CELF2: variants seen among roughly 807,000 people sequenced by gnomAD.
The protein encoded by CELF2 is CUGBP Elav-like family member 2, also known as CUG triplet repeat RNA-binding protein 2.
In CELF2, 8 loss-of-function variants were observed where a neutral mutation model predicts 62.6. The ratio of observed to expected loss-of-function variants is 0.13; its 90% CI spans 0.07 to 0.23. CELF2 has a LOEUF of 0.23. Among genes scored for constraint, CELF2 ranks in the 10% least tolerant of loss-of-function variants. The pLI, the probability that CELF2 is intolerant of heterozygous loss-of-function variation, is 1.00. For synonymous variants in CELF2, 258 were observed against 250.0 expected (o/e 1.03, Z -0.30); for missense variants, 333 against 671.0 (o/e 0.50, Z 5.56).
intron 2 of CELF2, among the ~76,000 whole-genome samples, chr10:11,203,070 G>T (rs1028944050): frequency 7.9e-5 from 12 of 151,976 alleles, no homozygotes; most frequent in Non-Finnish European, 1.8e-4. Flanking sequence ...AGCCTGCAGG[G>T]TGTTTCTTTT....
the CELF2 span, among the ~76,000 whole-genome samples, chr10:10,714,877 T>A: frequency 2.7e-5 from 4 of 145,890 alleles, no homozygotes; most frequent in Admixed American, 6.9e-5. Flanking sequence ...AAGCCTTATT[T>A]AAAAAAAAAA....
At chr10:10,668,031 T>C in the CELF2 span, among the ~76,000 whole-genome samples, 3 of 152,106 alleles carry the variant, frequency 2.0e-5, no homozygotes, top group African/African-American at 7.2e-5. Context: ...GAGTATGAAA[T>C]GGATAAATCA....
At chr10:10,525,947 T>C in the CELF2 span, among the ~76,000 whole-genome samples, 1 of 152,234 alleles carries the variant, frequency 6.6e-6, no homozygotes, top group Non-Finnish European at 1.5e-5. Context: ...CCACCAACCA[T>C]ATACAATGGC....
chr10:10,472,766 T>G, the CELF2 span, among the ~76,000 whole-genome samples: 1 of 152,056 alleles, frequency 6.6e-6, no homozygotes, highest in Non-Finnish European at 1.5e-5. Flanking sequence ...GTCTTCTCGT[T>G]GGTGTGCAGC....
rs968563232 is a variant in CELF2 at position 11,110,357 on chromosome 10, A to G, written c.75-55129A>G. Among the ~76,000 whole-genome samples, 4 of 152,194 alleles carry G rather than the reference A, an allele frequency of 2.6e-5. No individual in the cohort carries two copies. Among genetic ancestry groups the G allele is most frequent in the African/African-American group, 9.7e-5 (4 of 41,450 alleles). ...CTAGAGTGTGATTTTCTGTGTGAGT[A>G]TTCATCCCCGTCATTGAGTGGAACA... On this transcript the variant is annotated intron_variant, in intron 1 of 12. Transcript: ENST00000633077. This position sits in a 1 kb window ranked among gnomAD's most constrained non-coding sequence, Gnocchi z 4.0.
At chr10:10,835,306 A>G (rs2058190467) in intron 1 of CELF2, among the ~76,000 whole-genome samples, 1 of 151,314 alleles carries the variant, frequency 6.6e-6, no homozygotes, top group Non-Finnish European at 1.5e-5. Flanking sequence ...GCAATGGCTG[A>G]CCTCAAACTC....
At chr10:10,640,590 G>C in the CELF2 span, among the ~76,000 whole-genome samples, 3 of 152,162 alleles carry the variant, frequency 2.0e-5, no homozygotes, top group Non-Finnish European at 4.4e-5. Flanking sequence ...CTGTAGTCTT[G>C]TGAGTTTCTT....
At position 11,319,186 on chromosome 10, in the gene CELF2, G is replaced by A. The variant is rs1283388366; in HGVS notation, c.1097-2003G>A. 1 of 447,212 alleles carries A rather than the reference G, an allele frequency of 2.2e-6. No individual in the cohort carries two copies. The highest frequency in any genetic ancestry group is 7.0e-5 in the East Asian group (1 of 14,192). The allele number at this position is 447,212 out of a possible 1,614,324, so 27.7% of individuals were successfully genotyped here. A position where few individuals can be genotyped will look rare whatever the true frequency, so the allele number is the denominator to read the frequency against. On this transcript the variant is annotated intron_variant, in intron 10 of 12. Transcript: ENST00000633077. The surrounding 1 kb of genome is among the most constrained non-coding windows in gnomAD (Gnocchi z 4.4). ...GACTGTGCCCAGAGTGCGATCATCT[G>A]TAATCCACAGCACCCGTTAACAGCC...
chr10:11,250,790 C>T (rs1389321298), intron 4 of CELF2, among the ~76,000 whole-genome samples: 1 of 152,186 alleles, frequency 6.6e-6, no homozygotes, highest in Non-Finnish European at 1.5e-5. Context: ...GCCCAAGACT[C>T]AAATAAGGTG....
the CELF2 span, among the ~76,000 whole-genome samples, chr10:10,606,002 C>T: frequency 1.3e-5 from 2 of 152,176 alleles, no homozygotes; most frequent in Non-Finnish European, 2.9e-5. Context: ...AGTCATTTTA[C>T]AACCCTGAAT....
chr10:10,678,455 C>T, the CELF2 span, among the ~76,000 whole-genome samples: 1 of 152,090 alleles, frequency 6.6e-6, no homozygotes, highest in African/African-American at 2.4e-5. Flanking sequence ...GGTGGTCTTT[C>T]CATGGAACAG....
chr10:11,218,706 T>C (rs1203688031), intron 3 of CELF2, among the ~76,000 whole-genome samples: 2 of 152,262 alleles, frequency 1.3e-5, no homozygotes, highest in Non-Finnish European at 2.9e-5. Flanking sequence ...CCCACAATGG[T>C]CCTGCCCAGT....
Position 11,165,368 on chromosome 10 carries a change from T to C in CELF2, c.75-118T>C, listed in dbSNP as rs2066762792. On this transcript the variant is annotated intron_variant, in intron 1 of 12. Transcript: ENST00000633077. The surrounding 1 kb of genome is among the most constrained non-coding windows in gnomAD (Gnocchi z 7.4). ...CAAATTTCTACGACTCATTAGGCAC[T>C]TTGCCACTGCTCTTCTTCCTCCTCC... The C allele has an allele frequency of 2.6e-6, 4 of 1,513,048 alleles. No homozygotes were observed. Among genetic ancestry groups the C allele is most frequent in the Middle Eastern group, 1.8e-4 (1 of 5,636 alleles). 93.7% of individuals were successfully genotyped at this position (1,513,048 alleles called of 1,614,324 possible). A position where few individuals can be genotyped will look rare whatever the true frequency, so the allele number is the denominator to read the frequency against.
chr10:11,281,233 C>G (rs913404911), intron 8 of CELF2, among the ~76,000 whole-genome samples: 1 of 152,152 alleles, frequency 6.6e-6, no homozygotes, highest in African/African-American at 2.4e-5. Flanking sequence ...ATTTTGCATG[C>G]ACATCACACA....
chr10:10,647,450 C>T, the CELF2 span, among the ~76,000 whole-genome samples: 5 of 152,180 alleles, frequency 3.3e-5, no homozygotes, highest in Non-Finnish European at 4.4e-5. Flanking sequence ...AACATCAATG[C>T]GGATAACATA....
chr10:10,836,755 C>G (rs1275899500), intron 1 of CELF2, among the ~76,000 whole-genome samples: 1 of 152,226 alleles, frequency 6.6e-6, no homozygotes, highest in African/African-American at 2.4e-5. Flanking sequence ...CCTGCTTCAG[C>G]TTCCCGAGTA....
chr10:10,739,784 C>T, the CELF2 span, among the ~76,000 whole-genome samples: 1 of 152,078 alleles, frequency 6.6e-6, no homozygotes, highest in Admixed American at 6.6e-5. Context: ...TCACAGCCAC[C>T]CTAACAGTTG....
Position 11,280,736 on chromosome 10 carries a change from T to A in CELF2, c.841+5616T>A, listed in dbSNP as rs906043454. On this transcript the variant is annotated intron_variant, in intron 8 of 12. Transcript: ENST00000633077. The surrounding 1 kb of genome is among the most constrained non-coding windows in gnomAD (Gnocchi z 7.6). ...GGGCCACGGCCTCTGCCTGGCTGAG[T>A]GGACAGAGGCCGCTCTGGGTGGGGG... 1.3e-5 allele frequency among the ~76,000 whole-genome samples: 2 copies of A among 152,072 alleles called. No homozygotes were observed. The highest frequency in any genetic ancestry group is 4.8e-5 in the African/African-American group (2 of 41,412).
chr10:11,086,600 A>C lies in CELF2; in HGVS notation c.74+68437A>C, dbSNP rs925204553. On this transcript the variant is annotated intron_variant, in intron 1 of 12. Transcript: ENST00000633077. ...TGTTAAAAAAAAAAAAAAAAAAAAA[A>C]AAAAAAAAAACTCCCGACAGCACCA... 2.2e-3 allele frequency among the ~76,000 whole-genome samples: 316 copies of C among 140,770 alleles called. 5 individuals carry two copies. The highest frequency in any genetic ancestry group is 3.7e-3 in the Non-Finnish European group (244 of 65,300). The allele number at this position is 140,770 out of a possible 152,430, so 92.4% of individuals were successfully genotyped here.
Sources: gnomAD v4.1 joint callset for allele counts (sites outside exome capture counted in the v4.1 genomes callset) on GRCh38, gnomAD v4.1.1 for gene constraint, Gnocchi (gnomAD v3.1) non-coding constraint, MANE v1.5 for transcripts, NCBI Gene and HGNC (gene_info 2026-07-23, HGNC 2026-07-21) for gene names.